SEMA6D: variants seen among roughly 807,000 people sequenced by gnomAD.
SEMA6D encodes the protein semaphorin 6D, also known as semaphorin-6D.
A neutral mutation model predicts 106.6 loss-of-function variants in SEMA6D; 35 were observed. The observed-to-expected ratio is 0.33, with a 90% CI of 0.25 to 0.44. SEMA6D has a LOEUF of 0.44. SEMA6D is among the 20% of genes least tolerant of loss of function. The probability of loss-of-function intolerance (pLI) is 1.00; values close to 1 mark genes in which losing one functional copy is unlikely to be tolerated. For synonymous variants in SEMA6D, 499 were observed against 487.7 expected (o/e 1.02, Z -0.31); for missense variants, 1,185 against 1,345.9 (o/e 0.88, Z 1.87).
intron 1 of SEMA6D, among the ~76,000 whole-genome samples, chr15:47,324,266 A>G (rs553491053): frequency 3.9e-5 from 6 of 152,154 alleles, no homozygotes; most frequent in Admixed American, 6.5e-5. Flanking sequence ...CTATTTACCT[A>G]TATATTTCTT....
chr15:47,741,314 A>G (rs772935016), intron 1 of SEMA6D, among the ~76,000 whole-genome samples: 4 of 152,206 alleles, frequency 2.6e-5, no homozygotes, highest in African/African-American at 4.8e-5. Context: ...TTCTTAGCAT[A>G]ATGCCTGGTG....
chr15:47,352,698 T>C (rs369988228), intron 1 of SEMA6D, among the ~76,000 whole-genome samples: 1 of 152,306 alleles, frequency 6.6e-6, no homozygotes, highest in East Asian at 1.9e-4. Context: ...TAAAAAGAGA[T>C]AGGGGTGAAG....
chr15:47,394,839 C>T lies in SEMA6D; in HGVS notation c.-238-17554C>T, dbSNP rs150822923. Among the ~76,000 whole-genome samples the T allele has an allele frequency of 5.4e-4, 82 of 152,188 alleles. No homozygotes were observed. In the East Asian group the frequency reaches 9.8e-3, roughly 18 times the overall value. The stretch of plus-strand genomic sequence containing the variant: ...TACCATAAACAGCAGTCCTCTTTGA[C>T]GATTTACATAATTAAATGGGAGAAT... On this transcript the variant is annotated intron_variant, in intron 1 of 19. Transcript: ENST00000558014.
intron 1 of SEMA6D, among the ~76,000 whole-genome samples, chr15:47,265,042 C>T (rs62014039): frequency 0.012 from 1,797 of 152,002 alleles, 34 homozygotes; most frequent in Admixed American, 0.013. Flanking sequence ...TTTATATCCA[C>T]GTGCATAAGA....
intron 3 of SEMA6D, chr15:47,525,361 C>T (rs908105410): frequency 3.3e-5 from 5 of 152,130 alleles, no homozygotes; most frequent in Non-Finnish European, 7.3e-5. Flanking sequence ...TAGAAGGTGC[C>T]CCAAAGCTTT....
intron 3 of SEMA6D, among the ~76,000 whole-genome samples, chr15:47,588,561 A>G (rs2076383424): frequency 6.6e-6 from 1 of 152,230 alleles, no homozygotes; most frequent in Non-Finnish European, 1.5e-5. Flanking sequence ...ATCTGAAACC[A>G]CAAATCACGA....
In SEMA6D at chr15:47,620,063, C is replaced by A. The variant is rs543777044; in HGVS notation, c.-55+19167C>A. On this transcript the variant is annotated intron_variant, in intron 4 of 19. Coordinates refer to the SEMA6D transcript ENST00000558014. ...TGGAACCAGGGGTTACAATATGACA[C>A]CCCAGCCTGAACTCACCACTTGAGA... 5.3e-5 allele frequency among the ~76,000 whole-genome samples: 8 copies of A among 152,220 alleles called. No individual in the cohort carries two copies. The East Asian group carries it at 1.5e-3, about 29-fold the overall frequency.
intron 3 of SEMA6D, among the ~76,000 whole-genome samples, chr15:47,554,015 A>G (rs1039255630): frequency 6.6e-6 from 1 of 152,194 alleles, no homozygotes; most frequent in African/African-American, 2.4e-5. Context: ...GGGAAAGGAA[A>G]CCAACTTTGT....
chr15:47,599,107 A>G (rs906785640), intron 3 of SEMA6D, among the ~76,000 whole-genome samples: 1 of 152,110 alleles, frequency 6.6e-6, no homozygotes, highest in South Asian at 2.1e-4. Flanking sequence ...AGAGCAGGCT[A>G]GAGCTCAGGA....
intron 4 of SEMA6D, among the ~76,000 whole-genome samples, chr15:47,619,483 G>A (rs2077062486): frequency 6.6e-6 from 1 of 152,220 alleles, no homozygotes; most frequent in African/African-American, 2.4e-5. Flanking sequence ...AGTGGAATAA[G>A]TACAAAGTAG....
At chr15:47,455,276 C>A (rs2042314184) in intron 2 of SEMA6D, among the ~76,000 whole-genome samples, 1 of 151,872 alleles carries the variant, frequency 6.6e-6, no homozygotes, top group Non-Finnish European at 1.5e-5. Context: ...CTATATGTCC[C>A]TCTTTCCACA....
At chr15:47,217,887 A>ACACACACC (rs1343282456) in intron 1 of SEMA6D, among the ~76,000 whole-genome samples, 2 of 150,956 alleles carry the variant, frequency 1.3e-5, no homozygotes, top group Non-Finnish European at 3.0e-5. Flanking sequence ...ACACACACAC[A>ACACACACC]CACACACACA....
At chr15:47,653,338 T>A (rs2077728912) in intron 4 of SEMA6D, among the ~76,000 whole-genome samples, 1 of 152,162 alleles carries the variant, frequency 6.6e-6, no homozygotes, top group Non-Finnish European at 1.5e-5. Context: ...TAATAGAGAC[T>A]CTTCAAATAT....
chr15:47,240,926 T>G lies in SEMA6D; in HGVS notation c.-239+56508T>G, dbSNP rs144494180. Reference sequence around the variant, plus strand: ...AACATAAATATGGTTCAGAGAGAAGTCTTTTAAGCCAAAACATTCTAAAAG... The same window carrying G: ...AACATAAATATGGTTCAGAGAGAAGGCTTTTAAGCCAAAACATTCTAAAAG... On this transcript the variant is annotated intron_variant, in intron 1 of 19. Transcript: ENST00000558014. Among the ~76,000 whole-genome samples the G allele has an allele frequency of 9.3e-4, 141 of 152,254 alleles. 1 individual carries two copies. The East Asian group carries it at 0.025, about 27-fold the overall frequency.
At chr15:47,566,284 T>A (rs2046226894) in intron 3 of SEMA6D, among the ~76,000 whole-genome samples, 1 of 152,240 alleles carries the variant, frequency 6.6e-6, no homozygotes, top group Non-Finnish European at 1.5e-5. Flanking sequence ...AGATTCATGC[T>A]AGGCCCACTT....
At chr15:47,375,342 C>T (rs2039412595) in intron 1 of SEMA6D, among the ~76,000 whole-genome samples, 1 of 152,194 alleles carries the variant, frequency 6.6e-6, no homozygotes, top group Admixed American at 6.5e-5. Context: ...GAGCCTCATA[C>T]TAATGTCCCC....
chr15:47,246,526 T>C (rs1218930415), intron 1 of SEMA6D, among the ~76,000 whole-genome samples: 12 of 152,184 alleles, frequency 7.9e-5, no homozygotes, highest in Admixed American at 7.9e-4. Flanking sequence ...GGAGAATCCA[T>C]TTCCTTGCTT....
At chr15:47,690,700 C>T (rs1390179249) in intron 4 of SEMA6D, among the ~76,000 whole-genome samples, 1 of 152,174 alleles carries the variant, frequency 6.6e-6, no homozygotes, top group Non-Finnish European at 1.5e-5. Context: ...CCAACTTACA[C>T]GCAAGCTTGT....
chr15:47,278,731 G>A (rs1342083477), intron 1 of SEMA6D, among the ~76,000 whole-genome samples: 1 of 150,984 alleles, frequency 6.6e-6, no homozygotes, highest in Admixed American at 6.6e-5. Context: ...TTCTTCTAGG[G>A]TTTTTATGGT....
Sources: gnomAD v4.1 joint callset for allele counts (sites outside exome capture counted in the v4.1 genomes callset) on GRCh38, gnomAD v4.1.1 for gene constraint, MANE v1.5 for transcripts, NCBI Gene and HGNC (gene_info 2026-07-23, HGNC 2026-07-21) for gene names.